STXBP6: variants seen among roughly 807,000 people sequenced by gnomAD.
The protein encoded by STXBP6 is syntaxin binding protein 6.
In STXBP6, 21 loss-of-function variants were observed where a neutral mutation model predicts 26.9. The ratio of observed to expected loss-of-function variants is 0.78; its 90% CI spans 0.55 to 1.12. The LOEUF (loss-of-function observed/expected upper bound fraction) is 1.12, where lower values mean the gene tolerates loss of function less well. Among genes scored for constraint, STXBP6 ranks in the 50% most tolerant of loss-of-function variants. The pLI is 0.00. For missense variants in STXBP6, 232 were observed against 257.9 expected (o/e 0.90, Z 0.69); for synonymous variants, 97 against 92.6 (o/e 1.05, Z -0.27).
chr14:25,027,562 C>T (rs561951303), intron 1 of STXBP6, among the ~76,000 whole-genome samples: 1 of 152,324 alleles, frequency 6.6e-6, no homozygotes, highest in South Asian at 2.1e-4. Flanking sequence ...GCCCCTGCCT[C>T]AGGCCTCCCT....
chr14:24,820,453 G>A (rs1368161791), intron 4 of STXBP6, among the ~76,000 whole-genome samples: 1 of 152,138 alleles, frequency 6.6e-6, no homozygotes, highest in Non-Finnish European at 1.5e-5. Context: ...CTGAGGGGAG[G>A]AGAATGGGGT....
chr14:24,963,420 T>TA (rs2073617870), intron 2 of STXBP6, among the ~76,000 whole-genome samples: 1 of 152,172 alleles, frequency 6.6e-6, no homozygotes. Flanking sequence ...GTTAAACTGA[T>TA]AAAAACGTCA....
intron 2 of STXBP6, among the ~76,000 whole-genome samples, chr14:24,927,847 G>C (rs748381948): frequency 5.9e-5 from 9 of 152,180 alleles, no homozygotes; most frequent in African/African-American, 1.9e-4. Flanking sequence ...CTTTATACTT[G>C]CAACTTTAAT....
At chr14:25,026,945 G>A (rs2075360614) in intron 1 of STXBP6, among the ~76,000 whole-genome samples, 1 of 152,200 alleles carries the variant, frequency 6.6e-6, no homozygotes, top group African/African-American at 2.4e-5. Context: ...AGCAGGAAAT[G>A]AATGAAAGAC....
At chr14:24,830,418 T>C (rs1256965577) in intron 4 of STXBP6, among the ~76,000 whole-genome samples, 1 of 151,938 alleles carries the variant, frequency 6.6e-6, no homozygotes, top group Non-Finnish European at 1.5e-5. Flanking sequence ...ATGGAAAGAT[T>C]TGAGATACAT....
intron 1 of STXBP6, among the ~76,000 whole-genome samples, chr14:25,002,310 TTTAAAG>T (rs1276951933): frequency 1.3e-5 from 2 of 151,898 alleles, no homozygotes; most frequent in African/African-American, 4.8e-5. Context: ...TTAACAATTT[TTTAAAG>T]TTAATTTATG....
intron 2 of STXBP6, among the ~76,000 whole-genome samples, chr14:24,896,306 CAT>C (rs34631661): frequency 0.34 from 51,017 of 151,558 alleles, 8,629 homozygotes; most frequent in African/African-American, 0.41. Flanking sequence ...TACTAAGAAA[CAT>C]ATATATATAT....
At chr14:24,912,753 G>A (rs1022764797) in intron 2 of STXBP6, among the ~76,000 whole-genome samples, 2 of 152,030 alleles carry the variant, frequency 1.3e-5, no homozygotes, top group African/African-American at 4.8e-5. Context: ...TTGCTATAAG[G>A]TACTTAGAAG....
chr14:24,819,539 A>G lies in STXBP6; in HGVS notation c.452-345T>C, dbSNP rs2068079863. ...ACTTGGCTTGCAAAGATAAATGAAAACGTTGACAAGTTCACAGAATTAGGC... is the reference window on the plus strand; with the variant it reads ...ACTTGGCTTGCAAAGATAAATGAAAGCGTTGACAAGTTCACAGAATTAGGC... On this transcript the variant is annotated intron_variant, in intron 4 of 5. Transcript: ENST00000323944. The G allele has an allele frequency of 2.3e-5, 12 of 517,228 alleles. No homozygotes were observed. The East Asian group carries it at 3.6e-4, about 16-fold the overall frequency. The allele number at this position is 517,228 out of a possible 1,614,324, so 32.0% of individuals were successfully genotyped here.
chr14:24,883,272 ACT>A (rs1331633876), intron 2 of STXBP6, among the ~76,000 whole-genome samples: 1 of 152,020 alleles, frequency 6.6e-6, no homozygotes, highest in Admixed American at 6.5e-5. Context: ...TAAAAAATAC[ACT>A]CTTTATTTTA....
chr14:24,867,286 A>T (rs1376609658), intron 2 of STXBP6, among the ~76,000 whole-genome samples: 1 of 152,180 alleles, frequency 6.6e-6, no homozygotes, highest in Admixed American at 6.5e-5. Context: ...CTGAGCAGAT[A>T]CTGAAACTGC....
intron 1 of STXBP6, among the ~76,000 whole-genome samples, chr14:24,980,442 C>T (rs2140234594): frequency 6.6e-6 from 1 of 152,256 alleles, no homozygotes; most frequent in East Asian, 1.9e-4. Context: ...AAATTTTAGT[C>T]CACCAACCAG....
At chr14:24,955,876 C>T (rs1205854633) in intron 2 of STXBP6, among the ~76,000 whole-genome samples, 1 of 152,164 alleles carries the variant, frequency 6.6e-6, no homozygotes, top group Non-Finnish European at 1.5e-5. Flanking sequence ...CATTACTTCA[C>T]ATGTTTACAA....
chr14:24,965,175 G>GA (rs201713125), intron 2 of STXBP6, among the ~76,000 whole-genome samples: 6,731 of 152,034 alleles, frequency 0.044, 277 homozygotes, highest in East Asian at 0.21. Context: ...TCAGGAGTGG[G>GA]ACACAGACTG....
At chr14:24,872,011 G>A (rs762522998) in intron 2 of STXBP6, among the ~76,000 whole-genome samples, 2 of 152,144 alleles carry the variant, frequency 1.3e-5, no homozygotes, top group African/African-American at 2.4e-5. Flanking sequence ...TGGGCCTCCC[G>A]CATACCTTAG....
chr14:24,940,859 C>CA (rs2072776493), intron 2 of STXBP6, among the ~76,000 whole-genome samples: 1 of 151,982 alleles, frequency 6.6e-6, no homozygotes, highest in Non-Finnish European at 1.5e-5. Flanking sequence ...ACTAAAAATA[C>CA]AAAAAAAGTA....
intron 2 of STXBP6, among the ~76,000 whole-genome samples, chr14:24,917,215 TAA>T (rs1393638301): frequency 1.3e-5 from 2 of 152,122 alleles, no homozygotes; most frequent in South Asian, 4.2e-4. Context: ...CACAATTTTG[TAA>T]AAAAATCTCA....
chr14:24,910,997 G>A (rs12588743), intron 2 of STXBP6, among the ~76,000 whole-genome samples: 17,662 of 152,052 alleles, frequency 0.12, 1,079 homozygotes, highest in East Asian at 0.17. Flanking sequence ...ATTAAAGCTC[G>A]ATATGCTTTT....
rs2075779042 is a variant in STXBP6 at position 25,049,838 on chromosome 14, C to T, written c.-33+40G>A. 1 of 985,686 alleles carries T rather than the reference C, an allele frequency of 1.0e-6. No individual in the cohort carries two copies. Among genetic ancestry groups the T allele is most frequent in the Non-Finnish European group, 1.2e-6 (1 of 830,322 alleles). The allele number at this position is 985,686 out of a possible 1,614,324, so 61.1% of individuals were successfully genotyped here. ...TGCAACCGCATCTCCCGGGCTTGGC[C>T]TCCGCCCTGACCGCCTGGCTCCCCT... On this transcript the variant is annotated intron_variant, in intron 1 of 5. Coordinates refer to ENST00000323944, the MANE Select transcript of STXBP6 (RefSeq NM_001394410.1). The surrounding 1 kb of genome is among the most constrained non-coding windows in gnomAD (Gnocchi z 5.6).
Sources: gnomAD v4.1 joint callset for allele counts (sites outside exome capture counted in the v4.1 genomes callset) on GRCh38, gnomAD v4.1.1 for gene constraint, Gnocchi (gnomAD v3.1) non-coding constraint, MANE v1.5 for transcripts, NCBI Gene and HGNC (gene_info 2026-07-23, HGNC 2026-07-21) for gene names.